Variants in RPS6KA2 observed in about 807,000 individuals in gnomAD.
RPS6KA2 encodes the protein ribosomal protein S6 kinase alpha-2.
In RPS6KA2, 42 loss-of-function variants were observed where a neutral mutation model predicts 91.8. That is an observed-to-expected ratio of 0.46 (90% confidence interval 0.36 to 0.59). RPS6KA2 has a LOEUF of 0.59. Among genes scored for constraint, RPS6KA2 ranks in the 20% least tolerant of loss-of-function variants. The pLI, the probability that RPS6KA2 is intolerant of heterozygous loss-of-function variation, is 0.00. For missense variants in RPS6KA2, 798 were observed against 978.5 expected, an observed-to-expected ratio of 0.82 and a Z score of 2.46; for synonymous variants, 414 against 393.6, an observed-to-expected ratio of 1.05 and a Z score of -0.61.
In RPS6KA2 at chr6:166,788,474, G is replaced by A. The variant is rs376364512; in HGVS notation, c.123+69726C>T. ...ATGATAGACTGGATAAAGAAAATGT[G>A]GTACATATACACCATGGAATACTAT... On this transcript the variant is annotated intron_variant, in intron 2 of 21. Coordinates refer to the RPS6KA2 transcript ENST00000503859. 7.9e-4 allele frequency among the ~76,000 whole-genome samples: 120 copies of A among 152,182 alleles called. 3 individuals carry two copies. The South Asian group carries it at 0.024, about 31-fold the overall frequency.
intron 2 of RPS6KA2, among the ~76,000 whole-genome samples, chr6:166,829,561 G>A (rs192880445): frequency 1.0e-3 from 134 of 132,194 alleles, no homozygotes; most frequent in African/African-American, 3.9e-3. Flanking sequence ...CTGCACTCCA[G>A]CCTGGGCAAC....
intron 1 of RPS6KA2, among the ~76,000 whole-genome samples, chr6:166,542,736 G>A (rs1034412346): frequency 6.6e-6 from 1 of 152,208 alleles, no homozygotes; most frequent in Non-Finnish European, 1.5e-5. Context: ...GATGAGGGCG[G>A]TTGGCCACTG....
intron 12 of RPS6KA2, among the ~76,000 whole-genome samples, chr6:166,457,297 G>C (rs760673): frequency 0.65 from 99,054 of 152,116 alleles, 34,387 homozygotes; most frequent in African/African-American, 0.91. Flanking sequence ...GTGGGCAGGG[G>C]CAGGAGGGAA....
chr6:166,702,524 C>T lies in RPS6KA2; in HGVS notation c.123+155676G>A, dbSNP rs1220184736. On this transcript the variant is annotated intron_variant, in intron 2 of 21. Coordinates refer to the RPS6KA2 transcript ENST00000503859. The stretch of plus-strand genomic sequence containing the variant: ...TTCACTTGCTGACAGCTCTCCACCA[C>T]TCCATACTGGACTAGTCAACTATCC... The T allele has an allele frequency of 3.4e-6, 5 of 1,472,610 alleles. No homozygotes were observed. The African/African-American group carries it at 4.2e-5, about 12-fold the overall frequency. The allele number at this position is 1,472,610 out of a possible 1,614,324, so 91.2% of individuals were successfully genotyped here. A position where few individuals can be genotyped will look rare whatever the true frequency, so the allele number is the denominator to read the frequency against.
At chr6:166,452,894 G>T (rs530560712) in intron 12 of RPS6KA2, among the ~76,000 whole-genome samples, 1 of 152,120 alleles carries the variant, frequency 6.6e-6, no homozygotes, top group Non-Finnish European at 1.5e-5. Flanking sequence ...TGGGTCTAGC[G>T]AAAGACTTCG....
chr6:166,607,965 G>A lies in RPS6KA2; in HGVS notation c.99+18956C>T, dbSNP rs548388773. Among the ~76,000 whole-genome samples the A allele has an allele frequency of 1.4e-4, 22 of 151,830 alleles. No individual in the cohort carries two copies. In the South Asian group the frequency reaches 4.4e-3, roughly 30 times the overall value. ...GTGGAAGCAGCAGTGAGCCATGATCGTGCCCCTGCACTTCTGCCAGAGCGA... is the reference window on the plus strand; with the variant it reads ...GTGGAAGCAGCAGTGAGCCATGATCATGCCCCTGCACTTCTGCCAGAGCGA... On this transcript the variant is annotated intron_variant, in intron 1 of 20. Coordinates refer to ENST00000265678, the MANE Select transcript of RPS6KA2 (RefSeq NM_021135.6).
At chr6:166,580,919 T>C (rs989933717) in intron 1 of RPS6KA2, among the ~76,000 whole-genome samples, 3 of 152,218 alleles carry the variant, frequency 2.0e-5, no homozygotes, top group African/African-American at 7.2e-5. Context: ...TTTCTTTTTT[T>C]GAGACGAAGT....
chr6:166,503,303 G>A (rs1273141880), intron 6 of RPS6KA2, among the ~76,000 whole-genome samples: 1 of 152,250 alleles, frequency 6.6e-6, no homozygotes, highest in Non-Finnish European at 1.5e-5. Flanking sequence ...ATGGGCAAAT[G>A]CATTTTGCAT....
chr6:166,621,751 T>TC (rs1044764511), intron 1 of RPS6KA2, among the ~76,000 whole-genome samples: 1 of 152,088 alleles, frequency 6.6e-6, no homozygotes, highest in African/African-American at 2.4e-5. Flanking sequence ...CTCATCCTGG[T>TC]CCCCCATATC....
chr6:166,666,023 C>T lies in RPS6KA2; in HGVS notation c.124-127239G>A, dbSNP rs140013336. Among the ~76,000 whole-genome samples the T allele has an allele frequency of 1.3e-5, 2 of 152,186 alleles. No homozygotes were observed. Among genetic ancestry groups the T allele is most frequent in the Admixed American group, 6.5e-5 (1 of 15,272 alleles). ...GAAAAGCCCACATCACCACAGGCTG[C>T]GATCTGAAGGAGCAGAGATTAGCAA... On this transcript the variant is annotated intron_variant, in intron 2 of 21. Coordinates refer to the RPS6KA2 transcript ENST00000503859. The surrounding 1 kb of genome is among the most constrained non-coding windows in gnomAD (Gnocchi z 4.0).
In RPS6KA2 at chr6:166,665,495, C is replaced by G. The variant is rs956822798; in HGVS notation, c.124-126711G>C. On this transcript the variant is annotated intron_variant, in intron 2 of 21. Coordinates refer to the RPS6KA2 transcript ENST00000503859. The surrounding 1 kb of genome is among the most constrained non-coding windows in gnomAD (Gnocchi z 4.5). ...TCCCACCCTCCCCTCTGAGAAGACCCCCATGTGACTTCCCCACCTTTGTGG... is the reference window on the plus strand; with the variant it reads ...TCCCACCCTCCCCTCTGAGAAGACCGCCATGTGACTTCCCCACCTTTGTGG... Among the ~76,000 whole-genome samples the G allele has an allele frequency of 1.3e-5, 2 of 152,114 alleles. No homozygotes were observed. Among genetic ancestry groups the G allele is most frequent in the Non-Finnish European group, 2.9e-5 (2 of 68,028 alleles).
chr6:166,657,883 C>A (rs1788047584), intron 2 of RPS6KA2, among the ~76,000 whole-genome samples: 1 of 152,136 alleles, frequency 6.6e-6, no homozygotes, highest in Non-Finnish European at 1.5e-5. Context: ...GGGAGGAATT[C>A]ACTTTTCTTT....
chr6:166,705,683 T>C (rs192086654), intron 2 of RPS6KA2, among the ~76,000 whole-genome samples: 3 of 152,304 alleles, frequency 2.0e-5, no homozygotes, highest in Admixed American at 6.5e-5. Flanking sequence ...ACATCCTTAT[T>C]GGCAGATGAC....
intron 2 of RPS6KA2, among the ~76,000 whole-genome samples, chr6:166,855,583 A>G (rs192494786): frequency 5.3e-5 from 8 of 152,324 alleles, no homozygotes; most frequent in Admixed American, 5.2e-4. Context: ...TCCCTAACCT[A>G]GAGAAGACCT....
At chr6:166,560,689 C>T (rs1784317414) in intron 1 of RPS6KA2, among the ~76,000 whole-genome samples, 1 of 151,998 alleles carries the variant, frequency 6.6e-6, no homozygotes, top group Admixed American at 6.5e-5. Context: ...GGAGGGAGGG[C>T]AGGCACCAGC....
At chr6:166,432,724 C>G (rs1460731470) in intron 14 of RPS6KA2, among the ~76,000 whole-genome samples, 4 of 152,162 alleles carry the variant, frequency 2.6e-5, no homozygotes, top group Non-Finnish European at 5.9e-5. Flanking sequence ...GGCAAGGTGG[C>G]TCATGCCTGT....
chr6:166,711,642 C>T (rs112331579), intron 2 of RPS6KA2, among the ~76,000 whole-genome samples: 4 of 151,736 alleles, frequency 2.6e-5, no homozygotes, highest in African/African-American at 9.7e-5. Flanking sequence ...ATAGCTGAGT[C>T]GAGGGAACAA....
intron 2 of RPS6KA2, among the ~76,000 whole-genome samples, chr6:166,649,608 A>T (rs765665158): frequency 6.6e-6 from 1 of 152,152 alleles, no homozygotes; most frequent in Non-Finnish European, 1.5e-5. Flanking sequence ...AATTATTACT[A>T]TGATAATTAT....
At chr6:166,516,947 G>A (rs60386474) in intron 3 of RPS6KA2, among the ~76,000 whole-genome samples, 8,882 of 152,260 alleles carry the variant, frequency 0.058, 891 homozygotes, top group African/African-American at 0.2. Context: ...AAATAGGACT[G>A]ATGTTATTGA....
Sources: allele counts gnomAD v4.1 joint callset (sites outside exome capture counted in the v4.1 genomes callset), GRCh38; gene constraint gnomAD v4.1.1; non-coding constraint Gnocchi (gnomAD v3.1); transcripts MANE v1.5; gene names NCBI Gene and HGNC (gene_info 2026-07-23, HGNC 2026-07-21).